RADX: variants seen among roughly 807,000 people sequenced by gnomAD.
RADX encodes RPA-related protein RADX.
A neutral mutation model predicts 61.6 loss-of-function variants in RADX; 36 were observed. That is an observed-to-expected ratio of 0.58 (90% CI 0.45 to 0.77). The LOEUF (loss-of-function observed/expected upper bound fraction) is 0.77. RADX is among the 30% of genes least tolerant of loss of function. The pLI is 0.00. For synonymous variants in RADX, 272 were observed against 237.9 expected (o/e 1.14, Z -1.32); for missense variants, 497 against 651.1 (o/e 0.76, Z 2.58).
intron 3 of RADX, among the ~76,000 whole-genome samples, chrX:106,627,856 G>A (rs187763111): frequency 8.1e-5 from 9 of 111,199 alleles, no homozygotes; most frequent in African/African-American, 2.6e-4. Flanking sequence ...TATTTTTTGA[G>A]ACAGAGTCTC....
intron 3 of RADX, among the ~76,000 whole-genome samples, chrX:106,629,435 A>C (rs954038571): frequency 1.8e-5 from 2 of 112,018 alleles, no homozygotes; most frequent in East Asian, 2.8e-4. Context: ...AAATATCTTC[A>C]TCCTGGTTTA....
chrX:106,670,769 T>A (rs561803158), intron 13 of RADX, among the ~76,000 whole-genome samples: 1 of 110,777 alleles, frequency 9.0e-6, no homozygotes, highest in African/African-American at 3.3e-5. Context: ...CCCCTATTTA[T>A]AGATAACTAG....
Position 106,633,153 on chromosome X carries a change from T to C in RADX, c.1204T>C (p.Tyr402His). The C allele has an allele frequency of 3.3e-6, 4 of 1,203,615 alleles. No homozygotes were observed. The highest frequency in any genetic ancestry group is 4.5e-6 in the Non-Finnish European group (4 of 888,228). Residue 402 changes from tyrosine (Y) to histidine (H), a missense_variant, in exon 6 of 14, where the codon TAT becomes CAT. This residue lies in a region of RADX where 196 missense variants were observed against 315.0 expected (regional missense o/e 0.62). Coordinates refer to ENST00000372548, the MANE Select transcript of RADX (RefSeq NM_018015.6). ...AGAAAACCGTGAAGATTTTTGGTCA[T>C]ATCGCTGGATTCACATTGCTGACGG... ...KKENREDFWS[Y>H]RWIHIADGTS...
chrX:106,640,534 C>G lies in RADX; in HGVS notation c.1735-18C>G, dbSNP rs1927483478. The G allele has an allele frequency of 1.8e-6, 2 of 1,123,228 alleles. No individual in the cohort carries two copies. The highest frequency in any genetic ancestry group is 4.5e-5 in the South Asian group (2 of 44,512). 92.6% of individuals were successfully genotyped at this position (1,123,228 alleles called of 1,213,427 possible). On this transcript the variant is annotated intron_variant, in intron 9 of 13. Transcript: ENST00000372548. ...TGTGAATTAGCCTAAAGTGTTTTCT[C>G]TAAATTATTGGTTTTAGAATGCTAA...
rs1448582237 is a variant in RADX, at chrX:106,639,519, T to C, written c.1574-8T>C. 8.6e-7 allele frequency: 1 copy of C among 1,164,048 alleles called. No individual in the cohort carries two copies. Among genetic ancestry groups the C allele is most frequent in the African/African-American group, 1.8e-5 (1 of 55,563 alleles). On this transcript the variant is annotated splice_polypyrimidine_tract_variant and splice_region_variant and intron_variant, in intron 8 of 13. Coordinates refer to ENST00000372548, the MANE Select transcript of RADX (RefSeq NM_018015.6). ...TAAAACTTACAATTTTCTTGGACTT[T>C]TTTGCAGTTGAGTCGCTCTTGACAG...
chrX:106,615,626 A>G (rs1926783984), intron 1 of RADX, among the ~76,000 whole-genome samples: 1 of 111,681 alleles, frequency 9.0e-6, no homozygotes, highest in African/African-American at 3.3e-5. Context: ...AATGATCTTC[A>G]TAGAATCATA....
At chrX:106,614,724 G>T (rs1055971288) in intron 1 of RADX, among the ~76,000 whole-genome samples, 1 of 110,497 alleles carries the variant, frequency 9.1e-6, no homozygotes, top group Admixed American at 9.6e-5. Flanking sequence ...CTTTGCTAAT[G>T]GGTATTAAAA....
chrX:106,665,568 C>T (rs926795017), intron 12 of RADX, among the ~76,000 whole-genome samples: 2 of 109,696 alleles, frequency 1.8e-5, no homozygotes, highest in African/African-American at 6.6e-5. Flanking sequence ...ATAGTTTACC[C>T]TGTTCTAGAC....
At chrX:106,659,658 C>A in intron 11 of RADX, among the ~76,000 whole-genome samples, 2 of 111,075 alleles carry the variant, frequency 1.8e-5, no homozygotes, top group Admixed American at 1.9e-4. Context: ...TTGTCTCTTT[C>A]CTATTTATTG....
intron 2 of RADX, among the ~76,000 whole-genome samples, chrX:106,623,136 T>C (rs2147613555): frequency 9.0e-6 from 1 of 111,326 alleles, no homozygotes; most frequent in South Asian, 3.8e-4. Context: ...AAGAATCTCC[T>C]TTGGCCTTAT....
At chrX:106,643,575 A>T (rs1927581563) in intron 10 of RADX, among the ~76,000 whole-genome samples, 1 of 111,286 alleles carries the variant, frequency 9.0e-6, no homozygotes, top group Non-Finnish European at 1.9e-5. Context: ...AGCACCATTT[A>T]TTGGAAAGAC....
chrX:106,653,040 T>C (rs1352062585), intron 11 of RADX, among the ~76,000 whole-genome samples: 1 of 107,432 alleles, frequency 9.3e-6, no homozygotes, highest in African/African-American at 3.4e-5. Context: ...GACTATAACT[T>C]TTAAAAATAA....
At chrX:106,665,431 T>A (rs755777958) in intron 12 of RADX, among the ~76,000 whole-genome samples, 1 of 112,209 alleles carries the variant, frequency 8.9e-6, no homozygotes, top group East Asian at 2.8e-4. Context: ...CATATTTTCA[T>A]GTATCATAAA....
In RADX at chrX:106,678,204, T is replaced by A; in HGVS notation, c.2514T>A (p.Asn838Lys). Residue 838 changes from asparagine to lysine, a missense_variant, in exon 14 of 14, where the codon AAT becomes AAA. Asn to Lys is a moderately conservative substitution (Grantham distance 94). Coordinates refer to ENST00000372548, the MANE Select transcript of RADX (RefSeq NM_018015.6). ...VGILDICNLG[N>K]NKVEVYLHKI... ...TCTTGGATATCTGTAATTTGGGTAA[T>A]AATAAAGTGGAAGTCTATTTGCACA... 2 of 1,167,283 alleles carry A rather than the reference T, an allele frequency of 1.7e-6. No individual in the cohort carries two copies. The highest frequency in any genetic ancestry group is 2.3e-6 in the Non-Finnish European group (2 of 855,412).
chrX:106,657,991 A>G (rs1272227546), intron 11 of RADX, among the ~76,000 whole-genome samples: 1 of 111,962 alleles, frequency 8.9e-6, no homozygotes, highest in Non-Finnish European at 1.9e-5. Flanking sequence ...AAAAAAATGC[A>G]ATATCTGTGA....
chrX:106,672,477 ACTCTCTCTCT>A (rs202133930), intron 13 of RADX, among the ~76,000 whole-genome samples: 15 of 105,130 alleles, frequency 1.4e-4, no homozygotes, highest in Admixed American at 3.0e-4. Context: ...TCCCAAAGAT[ACTCTCTCTCT>A]CTCTCTCTCT....
Position 106,637,751 on chromosome X carries a change from C to T in RADX, c.1409-9C>T, listed in dbSNP as rs1480094450. The T allele has an allele frequency of 3.5e-6, 4 of 1,135,499 alleles. No individual in the cohort carries two copies. The highest frequency in any genetic ancestry group is 1.8e-5 in the African/African-American group (1 of 54,252). 93.6% of individuals were successfully genotyped at this position (1,135,499 alleles called of 1,213,427 possible). Reference sequence around the variant, plus strand: ...CTCATTTTTTATGATTTACCCTTCCCGCGAGGAGGTCATAGAGGCCAGCCG... The same window carrying T: ...CTCATTTTTTATGATTTACCCTTCCTGCGAGGAGGTCATAGAGGCCAGCCG... On this transcript the variant is annotated splice_polypyrimidine_tract_variant and intron_variant, in intron 7 of 13. Transcript: ENST00000372548.
At chrX:106,632,907 T>G in intron 4 of RADX, 25 bp from the exon 5 acceptor site, 1 of 1,121,528 alleles carries the variant, frequency 8.9e-7, no homozygotes, top group Non-Finnish European at 1.2e-6. Context: ...AATAAAATAT[T>G]AATTTAGTGA....
At chrX:106,626,353 T>G (rs1927074051) in intron 3 of RADX, among the ~76,000 whole-genome samples, 1 of 112,152 alleles carries the variant, frequency 8.9e-6, no homozygotes, top group South Asian at 3.7e-4. Flanking sequence ...CTTATATGAT[T>G]ATTTATTAAA....
Sources: allele counts gnomAD v4.1 joint callset (sites outside exome capture counted in the v4.1 genomes callset), GRCh38; gene constraint gnomAD v4.1.1; regional missense constraint gnomAD v4.1.1; transcripts MANE v1.5; gene names NCBI Gene and HGNC (gene_info 2026-07-23, HGNC 2026-07-21).